Variants in RALYL observed in about 807,000 individuals in gnomAD.
The protein encoded by RALYL is RALY RNA binding protein like.
Under a neutral mutation model 35.1 loss-of-function variants are expected in RALYL, and 29 were observed. The ratio of observed to expected loss-of-function variants is 0.83; its 90% CI spans 0.61 to 1.13. The LOEUF (loss-of-function observed/expected upper bound fraction) is 1.13, where lower values mean the gene tolerates loss of function less well. Ranked by LOEUF, RALYL falls within the 50% of genes most tolerant of loss-of-function variation. The probability of loss-of-function intolerance (pLI) is 0.00; values close to 1 mark genes in which losing one functional copy is unlikely to be tolerated. For missense variants in RALYL, 359 were observed against 360.4 expected (o/e 1.00, Z 0.03); for synonymous variants, 120 against 127.6 (o/e 0.94, Z 0.40).
At chr8:84,669,186 C>T (rs1414669341) in intron 2 of RALYL, among the ~76,000 whole-genome samples, 1 of 152,146 alleles carries the variant, frequency 6.6e-6, no homozygotes, top group Non-Finnish European at 1.5e-5. Context: ...CACCCCTGGA[C>T]AGTCCATCTC....
intron 5 of RALYL, among the ~76,000 whole-genome samples, chr8:84,860,392 A>C (rs1261438710): frequency 6.6e-6 from 1 of 152,192 alleles, no homozygotes; most frequent in African/African-American, 2.4e-5. Flanking sequence ...GAGATCAGTC[A>C]ATTGCCATAT....
At chr8:84,676,612 C>G (rs1047303663) in intron 2 of RALYL, among the ~76,000 whole-genome samples, 2 of 152,050 alleles carry the variant, frequency 1.3e-5, no homozygotes, top group African/African-American at 4.8e-5. Context: ...AGGTCCCCAC[C>G]CAATCCTAAA....
intron 1 of RALYL, among the ~76,000 whole-genome samples, chr8:84,441,590 C>G (rs947911160): frequency 6.6e-6 from 1 of 152,018 alleles, no homozygotes; most frequent in Non-Finnish European, 1.5e-5. Context: ...CAGGCATGAA[C>G]GATCATGTAT....
chr8:84,231,480 C>T (rs906263316), intron 1 of RALYL, among the ~76,000 whole-genome samples: 1 of 152,070 alleles, frequency 6.6e-6, no homozygotes, highest in Non-Finnish European at 1.5e-5. Flanking sequence ...TGTTTGTTCT[C>T]TGTGTTCACT....
chr8:84,826,517 C>T (rs544404260), intron 4 of RALYL, among the ~76,000 whole-genome samples: 1 of 152,080 alleles, frequency 6.6e-6, no homozygotes, highest in South Asian at 2.1e-4. Context: ...CTAGGGTATA[C>T]CAAAAATGTC....
chr8:84,217,578 A>G (rs1821132359), intron 1 of RALYL, among the ~76,000 whole-genome samples: 3 of 152,078 alleles, frequency 2.0e-5, no homozygotes, highest in Admixed American at 6.6e-5. Flanking sequence ...ATAATTATGA[A>G]TTAAAGTTGG....
Position 84,351,952 on chromosome 8 carries a change from T to A in RALYL, c.-24+167528T>A, listed in dbSNP as rs561635082. ...GAGTTTGTAAGGTGACCTGGAGAGG[T>A]TAATTTCACAGCGTGCAGTAATTGT... On this transcript the variant is annotated intron_variant, in intron 1 of 8. Transcript: ENST00000521268. Among the ~76,000 whole-genome samples the A allele has an allele frequency of 2.0e-5, 3 of 150,208 alleles. No individual in the cohort carries two copies. In the East Asian group the frequency reaches 5.8e-4, roughly 29 times the overall value.
At chr8:84,524,197 C>T (rs7829180) in intron 1 of RALYL, among the ~76,000 whole-genome samples, 54,724 of 151,866 alleles carry the variant, frequency 0.36, 10,035 homozygotes, top group South Asian at 0.51. Context: ...TTGCAACCTA[C>T]TCATCTGACA....
chr8:84,789,247 G>A (rs768176499), intron 3 of RALYL, among the ~76,000 whole-genome samples: 32 of 152,158 alleles, frequency 2.1e-4, no homozygotes, highest in Non-Finnish European at 3.8e-4. Flanking sequence ...CCAACCAATA[G>A]CTGAGTTTGA....
At chr8:84,477,620 A>T (rs2053577265) in intron 1 of RALYL, among the ~76,000 whole-genome samples, 1 of 151,234 alleles carries the variant, frequency 6.6e-6, no homozygotes, top group Non-Finnish European at 1.5e-5. Flanking sequence ...ACATAAACTC[A>T]ATAATGATGA....
At chr8:84,522,248 A>AT (rs1218459049) in intron 1 of RALYL, among the ~76,000 whole-genome samples, 3 of 117,056 alleles carry the variant, frequency 2.6e-5, no homozygotes, top group African/African-American at 6.8e-5. Context: ...ATAGAAAGGA[A>AT]ATTTTTTTTT....
chr8:84,228,720 A>G (rs1298146777), intron 1 of RALYL, among the ~76,000 whole-genome samples: 1 of 152,156 alleles, frequency 6.6e-6, no homozygotes, highest in Non-Finnish European at 1.5e-5. Flanking sequence ...AGGTTTAATT[A>G]ACTCACAGAT....
At chr8:84,331,765 G>A (rs1455525651) in intron 1 of RALYL, among the ~76,000 whole-genome samples, 1 of 151,728 alleles carries the variant, frequency 6.6e-6, no homozygotes, top group Admixed American at 6.6e-5. Context: ...AAATGACAGT[G>A]TTTCCATAAA....
chr8:84,874,795 G>A lies in RALYL; in HGVS notation c.685+1398G>A, dbSNP rs537879095. ...GATACTGATGGCTGCCTCACATGGT[G>A]AGTAATGAACAAAGTGGCATATGTA... On this transcript the variant is annotated intron_variant, in intron 7 of 8. Coordinates refer to ENST00000521268, the MANE Select transcript of RALYL (RefSeq NM_173848.7). 5.9e-5 allele frequency among the ~76,000 whole-genome samples: 9 copies of A among 152,342 alleles called. 2 individuals carry two copies. The South Asian group carries it at 1.9e-3, about 32-fold the overall frequency.
At chr8:84,358,945 C>T (rs534186563) in intron 1 of RALYL, among the ~76,000 whole-genome samples, 115 of 151,882 alleles carry the variant, frequency 7.6e-4, no homozygotes, top group African/African-American at 2.7e-3. Context: ...GAGTACTTTA[C>T]GCATTAGGTG....
At chr8:84,801,155 T>C (rs1239733395) in intron 3 of RALYL, among the ~76,000 whole-genome samples, 2 of 152,172 alleles carry the variant, frequency 1.3e-5, no homozygotes, top group Non-Finnish European at 2.9e-5. Context: ...CAGTGTGTCA[T>C]CATCATTTTG....
intron 1 of RALYL, among the ~76,000 whole-genome samples, chr8:84,217,620 C>A (rs1039549268): frequency 2.0e-5 from 3 of 151,990 alleles, no homozygotes; most frequent in African/African-American, 4.8e-5. Context: ...CTCATATATA[C>A]GATTTTTTAA....
At chr8:84,391,854 A>G (rs1453260881) in intron 1 of RALYL, among the ~76,000 whole-genome samples, 2 of 152,042 alleles carry the variant, frequency 1.3e-5, no homozygotes, top group Admixed American at 6.6e-5. Context: ...CCCAACAAAC[A>G]GTGACTTCTG....
At chr8:84,228,861 G>T (rs534927617) in intron 1 of RALYL, among the ~76,000 whole-genome samples, 1 of 152,116 alleles carries the variant, frequency 6.6e-6, no homozygotes. Context: ...TCTCCGGAAA[G>T]CTCACTCACT....
Sources: gnomAD v4.1 joint callset for allele counts (sites outside exome capture counted in the v4.1 genomes callset) on GRCh38, gnomAD v4.1.1 for gene constraint, MANE v1.5 for transcripts, NCBI Gene and HGNC (gene_info 2026-07-23, HGNC 2026-07-21) for gene names.